SNRPE: variants seen among roughly 807,000 people sequenced by gnomAD.
SNRPE encodes the protein small nuclear ribonucleoprotein polypeptide E.
For missense variants in SNRPE, 53 were observed against 111.6 expected (o/e 0.48, Z 2.36); for synonymous variants, 35 against 36.7 (o/e 0.95, Z 0.17).
chr1:203,862,278 G>A, intron 2 of SNRPE, 56 bp downstream of exon 2: 2 of 1,235,400 alleles, frequency 1.6e-6, no homozygotes, highest in East Asian at 4.6e-5. Context: ...AACTGATTTA[G>A]TTTTTTGTGT....
At position 203,862,227 on chromosome 1, in the gene SNRPE, G is replaced by GT. The variant is rs1208820509; in HGVS notation, c.81+6dup. ...ATCTTCAGATACTTACAAAATGTACGTAAGTTGCTTGTTTCGTAACTACTT... is the reference window on the plus strand; with the variant it reads ...ATCTTCAGATACTTACAAAATGTACGTTAAGTTGCTTGTTTCGTAACTACTT... On this transcript the variant is annotated splice_donor_region_variant and intron_variant, in intron 2 of 4. Transcript: ENST00000414487. The GT allele has an allele frequency of 1.9e-6, 3 of 1,603,840 alleles. No individual in the cohort carries two copies. In the South Asian group the frequency reaches 3.3e-5, roughly 18 times the overall value.
In SNRPE at chr1:203,863,803, G is replaced by C. The variant is rs190192651; in HGVS notation, c.144+78G>C. The C allele has an allele frequency of 4.0e-6, 4 of 1,002,686 alleles. No individual in the cohort carries two copies. The Admixed American group carries it at 8.3e-5, about 21-fold the overall frequency. The allele number at this position is 1,002,686 out of a possible 1,614,324, so 62.1% of individuals were successfully genotyped here. A position where few individuals can be genotyped will look rare whatever the true frequency, so the allele number is the denominator to read the frequency against. On this transcript the variant is annotated intron_variant, in intron 3 of 4. Coordinates refer to ENST00000414487, the MANE Select transcript of SNRPE (RefSeq NM_003094.4). ...TAACAGAAAGTGTCTAGCCAGAACA[G>C]TGTATAAAAAGTCAAAGATCCAACC...
chr1:203,862,408 C>T (rs1455314564), intron 2 of SNRPE, among the ~76,000 whole-genome samples, 186 bp downstream of exon 2: 2 of 152,146 alleles, frequency 1.3e-5, no homozygotes, highest in Non-Finnish European at 2.9e-5. Context: ...TGTATCCATG[C>T]CACTTCCCAA....
chr1:203,870,138 T>G lies in SNRPE; in HGVS notation c.*206T>G. 1 of 456,186 alleles carries G rather than the reference T, an allele frequency of 2.2e-6. No homozygotes were observed. Among genetic ancestry groups the G allele is most frequent in the Non-Finnish European group, 3.9e-6 (1 of 258,134 alleles). 28.3% of individuals were successfully genotyped at this position (456,186 alleles called of 1,614,324 possible). A position where few individuals can be genotyped will look rare whatever the true frequency, so the allele number is the denominator to read the frequency against. ...AGAAACTTTTTACACAGTAACACCA[T>G]TCGTTGCTGGTATTTAGTTTTCTGA... is the stretch of plus-strand genomic sequence containing the variant. On this transcript the variant is annotated 3_prime_UTR_variant, in exon 5 of 5. Coordinates refer to ENST00000414487, the MANE Select transcript of SNRPE (RefSeq NM_003094.4).
At chr1:203,863,801 C>A in intron 3 of SNRPE, 76 bp downstream of exon 3, 2 of 1,029,178 alleles carry the variant, frequency 1.9e-6, no homozygotes, top group South Asian at 1.4e-5. Context: ...CTAGCCAGAA[C>A]AGTGTATAAA....
chr1:203,863,523 G>C, intron 2 of SNRPE, 140 bp from the exon 3 acceptor site: 1 of 635,456 alleles, frequency 1.6e-6, no homozygotes, highest in Non-Finnish European at 2.8e-6. Context: ...GTTTCACCAT[G>C]TTAACGAGGA....
chr1:203,863,787 G>C (rs1690029146), intron 3 of SNRPE, 62 bp downstream of exon 3: 3 of 1,150,728 alleles, frequency 2.6e-6, no homozygotes, highest in Non-Finnish European at 3.9e-6. Flanking sequence ...TTAACAGAAA[G>C]TGTCTAGCCA....
In SNRPE at chr1:203,870,656, C is replaced by CT. The variant is rs1690196759; in HGVS notation, c.*726dup. ...ATACACCTGTCTCTTATTCTTATCT[C>CT]TTAAGAATTTTGGTTCTTCCCCCAG... On this transcript the variant is annotated 3_prime_UTR_variant, in exon 5 of 5. Coordinates refer to ENST00000414487, the MANE Select transcript of SNRPE (RefSeq NM_003094.4). The CT allele has an allele frequency of 6.6e-6, 1 of 152,172 alleles. No individual in the cohort carries two copies. Among genetic ancestry groups the CT allele is most frequent in the Non-Finnish European group, 1.5e-5 (1 of 68,022 alleles). 9.4% of individuals were successfully genotyped at this position (152,172 alleles called of 1,614,324 possible). A position where few individuals can be genotyped will look rare whatever the true frequency, so the allele number is the denominator to read the frequency against.
At chr1:203,869,174 C>T (rs1690156522) in intron 4 of SNRPE, among the ~76,000 whole-genome samples, 1 of 151,914 alleles carries the variant, frequency 6.6e-6, no homozygotes, top group African/African-American at 2.4e-5. Flanking sequence ...TCAAACCGTT[C>T]TACCAGTGAA....
At position 203,863,696 on chromosome 1, in the gene SNRPE, G is replaced by C. The variant is rs1395232222; in HGVS notation, c.115G>C (p.Val39Leu). The C allele has an allele frequency of 6.2e-7, 1 of 1,608,406 alleles. No individual in the cohort carries two copies. The highest frequency in any genetic ancestry group is 8.5e-7 in the Non-Finnish European group (1 of 1,174,864). The change falls in exon 3 of 5, where the codon GTG (valine) becomes CTG (leucine). Residue 39 changes from valine (V) to leucine (L), a missense_variant. By Grantham distance (32) the Val-to-Leu change is conservative (BLOSUM62 1). Transcript: ENST00000414487. ...GATTCAGGTGTGGCTCTATGAGCAA[G>C]TGAATATGCGGATAGAAGGCTGTAT... Reference protein sequence around the residue: ...SRIQVWLYEQVNMRIEGCIIG... With the variant: ...SRIQVWLYEQLNMRIEGCIIG...
intron 4 of SNRPE, among the ~76,000 whole-genome samples, chr1:203,869,091 G>A (rs1255601914): frequency 6.6e-6 from 1 of 152,150 alleles, no homozygotes; most frequent in Non-Finnish European, 1.5e-5. Context: ...CTGTAGAATA[G>A]AATGTTATTA....
At position 203,865,033 on chromosome 1, in the gene SNRPE, T is replaced by C. The variant is rs1190303770; in HGVS notation, c.145-8T>C. ...TCTTTGAAGATAACAGTTTGTTTAT[T>C]TTTCTAGGGTTTTGATGAGTATATG... is the stretch of plus-strand genomic sequence containing the variant. On this transcript the variant is annotated splice_region_variant and splice_polypyrimidine_tract_variant and intron_variant, in intron 3 of 4. Coordinates refer to ENST00000414487, the MANE Select transcript of SNRPE (RefSeq NM_003094.4). The C allele has an allele frequency of 6.2e-7, 1 of 1,605,228 alleles. No individual in the cohort carries two copies. The highest frequency in any genetic ancestry group is 8.5e-7 in the Non-Finnish European group (1 of 1,177,314).
intron 4 of SNRPE, among the ~76,000 whole-genome samples, chr1:203,868,758 C>T (rs1168575031): frequency 2.6e-5 from 4 of 152,316 alleles, no homozygotes; most frequent in South Asian, 2.1e-4. Flanking sequence ...CAACCTCCAC[C>T]TCCTGGGTTC....
At chr1:203,865,410 G>A (rs370751628) in intron 4 of SNRPE, among the ~76,000 whole-genome samples, 1 of 152,112 alleles carries the variant, frequency 6.6e-6, no homozygotes, top group Admixed American at 6.6e-5. Context: ...TGGCACTGTT[G>A]GCTGCTCCCT....
rs1334329697 is a variant in SNRPE at position 203,869,936 on chromosome 1, T to C, written c.*4T>C. On this transcript the variant is annotated 3_prime_UTR_variant, in exon 5 of 5. Transcript: ENST00000414487. ...GCTACAAAGTGTCTCCAACTAGAAA[T>C]GATCAATGAAGTGAGAAATTGTTGA... is the stretch of plus-strand genomic sequence containing the variant. 1 of 1,573,800 alleles carries C rather than the reference T, an allele frequency of 6.4e-7. No individual in the cohort carries two copies. Among genetic ancestry groups the C allele is most frequent in the East Asian group, 2.2e-5 (1 of 44,472 alleles).
chr1:203,862,810 T>C (rs918364127), intron 2 of SNRPE, among the ~76,000 whole-genome samples: 2 of 152,184 alleles, frequency 1.3e-5, no homozygotes, highest in Non-Finnish European at 2.9e-5. Flanking sequence ...AATTGAGGGC[T>C]CCTGTCCTAG....
At position 203,861,658 on chromosome 1, in the gene SNRPE, C is replaced by T. The variant is rs761840303; in HGVS notation, c.-2C>T. On this transcript the variant is annotated 5_prime_UTR_variant, in exon 1 of 5. Transcript: ENST00000414487. ...CGGGTGTGCTCTTTGTGAAATTCCACCATGGCGTACCGTGGCCAGGGTCAG... is the reference window on the plus strand; with the variant it reads ...CGGGTGTGCTCTTTGTGAAATTCCATCATGGCGTACCGTGGCCAGGGTCAG... 3.1e-6 allele frequency: 5 copies of T among 1,612,020 alleles called. No individual in the cohort carries two copies. The highest frequency in any genetic ancestry group is 1.6e-4 in the Middle Eastern group (1 of 6,082).
At chr1:203,867,123 A>AAAC (rs1553274869) in intron 4 of SNRPE, among the ~76,000 whole-genome samples, 14,827 of 141,280 alleles carry the variant, frequency 0.1, 1,124 homozygotes, top group Non-Finnish European at 0.14. Flanking sequence ...AAAAAAAAAA[A>AAAC]AAAAAAATTA....
intron 4 of SNRPE, among the ~76,000 whole-genome samples, chr1:203,866,148 G>A (rs995671584): frequency 6.6e-6 from 1 of 152,206 alleles, no homozygotes; most frequent in African/African-American, 2.4e-5. Flanking sequence ...CTCCCATGCT[G>A]AAACGTTGTA....
Sources: allele counts gnomAD v4.1 joint callset (sites outside exome capture counted in the v4.1 genomes callset), GRCh38; gene constraint gnomAD v4.1.1; transcripts MANE v1.5; gene names NCBI Gene and HGNC (gene_info 2026-07-23, HGNC 2026-07-21).